The following RTF1 variants were observed in gnomAD, a reference collection of about 807,000 sequenced individuals.
RTF1 encodes RTF1 homolog, Paf1/RNA polymerase II complex component.
RTF1 carries 10 observed loss-of-function variants against 95.7 expected under a neutral mutation model. That is an observed-to-expected ratio of 0.10 (90% CI 0.06 to 0.18). The LOEUF is 0.18. Among genes scored for constraint, RTF1 ranks in the 10% least tolerant of loss-of-function variants. The pLI, the probability that RTF1 is intolerant of heterozygous loss-of-function variation, is 1.00. For missense variants in RTF1, 458 were observed against 875.6 expected, an observed-to-expected ratio of 0.52 and a Z score of 6.02; for synonymous variants, 305 against 311.8, an observed-to-expected ratio of 0.98 and a Z score of 0.23.
At chr15:41,438,579 G>T in intron 2 of RTF1, 148 bp downstream of exon 2, 1 of 528,002 alleles carries the variant, frequency 1.9e-6, no homozygotes, top group Non-Finnish European at 3.3e-6. Context: ...GTGTAAGGAA[G>T]GCCGGGCGCT....
intron 11 of RTF1, 31 bp from the exon 12 acceptor site, chr15:41,476,403 AGCTTAGGAATAC>A: frequency 2.6e-6 from 4 of 1,556,870 alleles, no homozygotes; most frequent in Non-Finnish European, 3.5e-6. Context: ...CTACAAAAAT[AGCTTAGGAATAC>A]CTCACTGCTG....
chr15:41,437,600 T>A (rs1409472369), intron 1 of RTF1, among the ~76,000 whole-genome samples: 1 of 152,128 alleles, frequency 6.6e-6, no homozygotes. Flanking sequence ...TTTTGTTGCG[T>A]TTTTGAGTGA....
At chr15:41,476,562 A>G in intron 12 of RTF1, 39 bp downstream of exon 12, 1 of 1,559,734 alleles carries the variant, frequency 6.4e-7, no homozygotes, top group Admixed American at 1.7e-5. Context: ...TCATCCTGTA[A>G]GGAGATGTGG....
rs367726968 is a variant in RTF1 at position 41,470,655 on chromosome 15, T to C, written c.1025+263T>C. ...CTGGAGCTTTCATTCATTTTCTTTT[T>C]TTTTTTTTTTTTTTTTTTTTTGAGA... On this transcript the variant is annotated intron_variant, in intron 7 of 17. Coordinates refer to ENST00000389629, the MANE Select transcript of RTF1 (RefSeq NM_015138.5). 2.5e-3 allele frequency among the ~76,000 whole-genome samples: 309 copies of C among 124,956 alleles called. 1 individual carries two copies. The highest frequency in any genetic ancestry group is 9.1e-3 in the African/African-American group (269 of 29,462). The allele number at this position is 124,956 out of a possible 152,430, so 82.0% of individuals were successfully genotyped here. A position where few individuals can be genotyped will look rare whatever the true frequency, so the allele number is the denominator to read the frequency against.
Position 41,417,443 on chromosome 15 carries a change from A to G in RTF1, c.198+130A>G, listed in dbSNP as rs954594774. 13 of 732,204 alleles carry G rather than the reference A, an allele frequency of 1.8e-5. No homozygotes were observed. In the African/African-American group the frequency reaches 2.4e-4, roughly 13 times the overall value. 45.4% of individuals were successfully genotyped at this position (732,204 alleles called of 1,614,324 possible). A position where few individuals can be genotyped will look rare whatever the true frequency, so the allele number is the denominator to read the frequency against. On this transcript the variant is annotated intron_variant, in intron 1 of 17. Coordinates refer to ENST00000389629, the MANE Select transcript of RTF1 (RefSeq NM_015138.5). ...CTCGCCCCGTGCCCTGGGCACCACT[A>G]CAGCCCCTTTCCCGTCTTCCTGGAG...
rs888693084 is a variant in RTF1 at position 41,420,110 on chromosome 15, C to T, written c.198+2797C>T. Among the ~76,000 whole-genome samples the T allele has an allele frequency of 9.9e-5, 15 of 152,232 alleles. No homozygotes were observed. The East Asian group carries it at 2.5e-3, about 25-fold the overall frequency. ...TGCTGGGATTACAGGCATGAGCCAC[C>T]GTGCTTGGCCGGAATTGCAATTTTA... On this transcript the variant is annotated intron_variant, in intron 1 of 17. Coordinates refer to ENST00000389629, the MANE Select transcript of RTF1 (RefSeq NM_015138.5).
chr15:41,482,606 CTG>C lies in RTF1; in HGVS notation c.*1921_*1922del, dbSNP rs1276715421. On this transcript the variant is annotated 3_prime_UTR_variant, in exon 18 of 18. Coordinates refer to ENST00000389629, the MANE Select transcript of RTF1 (RefSeq NM_015138.5). Reference sequence around the variant, plus strand: ...ATGATTGTAAAATTGCTAAATATGACTGTAACACAGCTTTGTGGTAGCTGTGA... The same window carrying C: ...ATGATTGTAAAATTGCTAAATATGACTAACACAGCTTTGTGGTAGCTGTGA... The C allele has an allele frequency of 3.3e-5, 5 of 152,586 alleles. No individual in the cohort carries two copies. Among genetic ancestry groups the C allele is most frequent in the Non-Finnish European group, 7.3e-5 (5 of 68,028 alleles). The allele number at this position is 152,586 out of a possible 1,614,324, so 9.5% of individuals were successfully genotyped here. A position where few individuals can be genotyped will look rare whatever the true frequency, so the allele number is the denominator to read the frequency against.
intron 1 of RTF1, among the ~76,000 whole-genome samples, chr15:41,426,147 G>T (rs183298745): frequency 6.6e-6 from 1 of 151,892 alleles, no homozygotes; most frequent in African/African-American, 2.4e-5. Context: ...TTTTTTGGAG[G>T]TGGAGTCTCG....
intron 1 of RTF1, among the ~76,000 whole-genome samples, chr15:41,434,003 G>A (rs769115118): frequency 3.3e-5 from 5 of 151,706 alleles, no homozygotes; most frequent in African/African-American, 4.8e-5. Context: ...GCACCACCAC[G>A]CACAGCTAAT....
intron 8 of RTF1, among the ~76,000 whole-genome samples, chr15:41,474,347 T>C (rs1362263524): frequency 6.6e-6 from 1 of 152,210 alleles, no homozygotes; most frequent in Non-Finnish European, 1.5e-5. Context: ...AATACATCCC[T>C]TGTAAGTTAG....
intron 6 of RTF1, among the ~76,000 whole-genome samples, chr15:41,468,821 A>AAG (rs796778517): frequency 2.0e-5 from 3 of 151,916 alleles, no homozygotes; most frequent in African/African-American, 7.3e-5. Context: ...CAATATTTTA[A>AAG]AGAGAGAGAG....
chr15:41,456,872 T>C (rs1172545364), intron 3 of RTF1, among the ~76,000 whole-genome samples: 1 of 150,696 alleles, frequency 6.6e-6, no homozygotes, highest in Non-Finnish European at 1.5e-5. Flanking sequence ...GATCACGAGG[T>C]TGAGAGATCG....
At chr15:41,470,535 C>A (rs965232182) in intron 7 of RTF1, 143 bp downstream of exon 7, 6 of 821,038 alleles carry the variant, frequency 7.3e-6, no homozygotes, top group South Asian at 3.2e-5. Flanking sequence ...TTCCCCAGCA[C>A]GTCAGCCCAT....
chr15:41,440,833 C>G (rs1179577086), intron 2 of RTF1, among the ~76,000 whole-genome samples: 2 of 151,920 alleles, frequency 1.3e-5, no homozygotes, highest in Non-Finnish European at 1.5e-5. Context: ...ACTATAATTT[C>G]TCTCAAATTA....
intron 2 of RTF1, among the ~76,000 whole-genome samples, chr15:41,443,093 A>G (rs1013204585): frequency 1.3e-5 from 2 of 152,176 alleles, no homozygotes; most frequent in Non-Finnish European, 2.9e-5. Flanking sequence ...CAACTGAGCT[A>G]AAAAGTTAAT....
At chr15:41,419,843 G>T (rs185487089) in intron 1 of RTF1, among the ~76,000 whole-genome samples, 7 of 152,138 alleles carry the variant, frequency 4.6e-5, no homozygotes, top group Admixed American at 2.6e-4. Context: ...TTTTTGAGAC[G>T]GAGTCTTGTT....
intron 6 of RTF1, among the ~76,000 whole-genome samples, chr15:41,467,087 C>G (rs2050884437): frequency 6.6e-6 from 1 of 152,148 alleles, no homozygotes; most frequent in Non-Finnish European, 1.5e-5. Flanking sequence ...TTAGCTCTTA[C>G]CACAATAATG....
At chr15:41,433,959 C>T (rs1566837970) in intron 1 of RTF1, among the ~76,000 whole-genome samples, 1 of 151,214 alleles carries the variant, frequency 6.6e-6, no homozygotes, top group African/African-American at 2.4e-5. Context: ...AATTCTTCTG[C>T]CTCAGCCTCC....
chr15:41,471,829 T>C (rs2050913038), intron 8 of RTF1, among the ~76,000 whole-genome samples: 1 of 152,168 alleles, frequency 6.6e-6, no homozygotes, highest in Non-Finnish European at 1.5e-5. Context: ...AGTGGCTTAC[T>C]CCTGTAATCC....
Sources: allele counts gnomAD v4.1 joint callset (sites outside exome capture counted in the v4.1 genomes callset), GRCh38; gene constraint gnomAD v4.1.1; transcripts MANE v1.5; gene names NCBI Gene and HGNC (gene_info 2026-07-23, HGNC 2026-07-21).